The following GREB1L variants were observed in gnomAD, a reference collection of about 807,000 sequenced individuals.
The protein encoded by GREB1L is GREB1 like retinoic acid receptor coactivator.
GREB1L carries 17 observed loss-of-function variants against 200.8 expected under a neutral mutation model. That is an observed-to-expected ratio of 0.08 (90% CI 0.06 to 0.13). GREB1L has a LOEUF of 0.13. Ranked by LOEUF, GREB1L falls within the 10% of genes least tolerant of loss-of-function variation. GREB1L has a pLI of 1.00. For synonymous variants in GREB1L, 789 were observed against 893.0 expected (o/e 0.88, Z 2.08); for missense variants, 1,657 against 2,367.7 (o/e 0.70, Z 6.23).
At chr18:21,282,189 A>C in intron 1 of GREB1L, among the ~76,000 whole-genome samples, 1 of 152,156 alleles carries the variant, frequency 6.6e-6, no homozygotes, top group South Asian at 2.1e-4. Flanking sequence ...CAGGAGGATC[A>C]CTTAAGCCCA....
At chr18:21,372,613 G>A (rs543530942) in intron 2 of GREB1L, among the ~76,000 whole-genome samples, 55 of 152,184 alleles carry the variant, frequency 3.6e-4, no homozygotes, top group African/African-American at 1.3e-3. Flanking sequence ...ACACAAATTT[G>A]TAAACTTTCT....
chr18:21,390,277 G>A (rs1463317370), intron 4 of GREB1L, among the ~76,000 whole-genome samples: 1 of 145,392 alleles, frequency 6.9e-6, no homozygotes, highest in Non-Finnish European at 1.5e-5. Context: ...ATTTCAGAGT[G>A]CACTCCTTCT....
intron 1 of GREB1L, among the ~76,000 whole-genome samples, chr18:21,325,753 C>T (rs1244321730): frequency 7.3e-6 from 1 of 136,280 alleles, no homozygotes; most frequent in African/African-American, 2.7e-5. Context: ...GTTGAGGCTG[C>T]AGTGAGCCGT....
intron 7 of GREB1L, 60 bp downstream of exon 7, chr18:21,404,054 A>T (rs1396637770): frequency 1.4e-5 from 19 of 1,403,662 alleles, no homozygotes; most frequent in Non-Finnish European, 1.9e-5. Flanking sequence ...GAGACTTTTT[A>T]AAATATATAC....
chr18:21,352,964 G>T (rs2039454507), intron 1 of GREB1L, among the ~76,000 whole-genome samples: 1 of 152,004 alleles, frequency 6.6e-6, no homozygotes, highest in African/African-American at 2.4e-5. Flanking sequence ...GGCGGATCAT[G>T]AGGTCAGGAG....
intron 18 of GREB1L, among the ~76,000 whole-genome samples, chr18:21,488,696 G>T (rs759987891): frequency 7.2e-5 from 11 of 151,970 alleles, no homozygotes; most frequent in Non-Finnish European, 1.5e-4. Context: ...TCACTCCGTC[G>T]CCCAGGCTGG....
At chr18:21,489,373 T>C (rs2036244796) in intron 18 of GREB1L, among the ~76,000 whole-genome samples, 1 of 152,218 alleles carries the variant, frequency 6.6e-6, no homozygotes, top group African/African-American at 2.4e-5. Flanking sequence ...GAACAGTTTA[T>C]GGAAAGATAG....
chr18:21,386,932 A>G (rs1273623818), intron 4 of GREB1L, among the ~76,000 whole-genome samples: 2 of 152,346 alleles, frequency 1.3e-5, no homozygotes, highest in African/African-American at 4.8e-5. Flanking sequence ...CTGAACCTAA[A>G]TAAGCATACC....
Position 21,525,424 on chromosome 18 carries a change from G to GTTAT in GREB1L, c.*2606_*2609dup, listed in dbSNP as rs960972752. ...AGTTATCTCCCACCCCCTCCAAAAA[G>GTTAT]TTATTTTTTCTTTATAGTTTTCTGG... On this transcript the variant is annotated 3_prime_UTR_variant, in exon 33 of 33. Transcript: ENST00000424526. 1.9e-4 allele frequency: 29 copies of GTTAT among 151,804 alleles called. No homozygotes were observed. Among genetic ancestry groups the GTTAT allele is most frequent in the Non-Finnish European group, 3.5e-4 (24 of 67,952 alleles). 9.4% of individuals were successfully genotyped at this position (151,804 alleles called of 1,614,324 possible). A position where few individuals can be genotyped will look rare whatever the true frequency, so the allele number is the denominator to read the frequency against.
chr18:21,431,107 C>T (rs1282209954), intron 7 of GREB1L, among the ~76,000 whole-genome samples: 1 of 151,650 alleles, frequency 6.6e-6, no homozygotes, highest in Non-Finnish European at 1.5e-5. Flanking sequence ...CTGCAACCTC[C>T]ACCTCCTGGG....
intron 1 of GREB1L, among the ~76,000 whole-genome samples, chr18:21,334,346 T>G (rs1234079563): frequency 6.6e-6 from 1 of 152,156 alleles, no homozygotes; most frequent in Non-Finnish European, 1.5e-5. Flanking sequence ...TAAACTTTAT[T>G]ATCAGTTCCA....
chr18:21,330,505 G>A (rs1018719249), intron 1 of GREB1L, among the ~76,000 whole-genome samples: 3 of 152,170 alleles, frequency 2.0e-5, no homozygotes, highest in Non-Finnish European at 4.4e-5. Flanking sequence ...TGATTGCTTT[G>A]AATGTAGAGC....
intron 1 of GREB1L, among the ~76,000 whole-genome samples, chr18:21,277,964 T>C (rs1598624235): frequency 6.6e-6 from 1 of 152,280 alleles, no homozygotes; most frequent in South Asian, 2.1e-4. Flanking sequence ...TTCTCCTTAC[T>C]CTAGGGCCTG....
intron 18 of GREB1L, among the ~76,000 whole-genome samples, chr18:21,489,215 G>C (rs1220793756): frequency 9.2e-5 from 14 of 152,150 alleles, no homozygotes; most frequent in Admixed American, 9.2e-4. Flanking sequence ...GGCAGTCCAG[G>C]CTTAGGGGAA....
chr18:21,393,814 G>A (rs1311991244), intron 4 of GREB1L, among the ~76,000 whole-genome samples: 1 of 152,020 alleles, frequency 6.6e-6, no homozygotes, highest in South Asian at 2.1e-4. Flanking sequence ...CACCCACCTC[G>A]GCCTCCGAAA....
At chr18:21,464,998 G>A (rs2035211232) in intron 15 of GREB1L, among the ~76,000 whole-genome samples, 1 of 152,090 alleles carries the variant, frequency 6.6e-6, no homozygotes, top group Non-Finnish European at 1.5e-5. Context: ...GACAAAGATT[G>A]TATATATTTT....
intron 7 of GREB1L, among the ~76,000 whole-genome samples, chr18:21,432,728 A>G (rs1299198757): frequency 1.9e-5 from 2 of 105,020 alleles, no homozygotes; most frequent in Admixed American, 1.3e-4. Context: ...TTTTTTTGAG[A>G]CAGTGTCTCG....
At chr18:21,372,495 A>C (rs1461279744) in intron 2 of GREB1L, among the ~76,000 whole-genome samples, 2 of 151,552 alleles carry the variant, frequency 1.3e-5, no homozygotes, top group South Asian at 2.1e-4. Flanking sequence ...TTTTTTTTGC[A>C]ATTTTTTTTG....
At chr18:21,472,755 T>G (rs2035533054) in intron 15 of GREB1L, among the ~76,000 whole-genome samples, 1 of 152,172 alleles carries the variant, frequency 6.6e-6, no homozygotes, top group Non-Finnish European at 1.5e-5. Context: ...GAAGCAAAGG[T>G]CTCATACACT....
Sources: allele counts gnomAD v4.1 joint callset (sites outside exome capture counted in the v4.1 genomes callset), GRCh38; gene constraint gnomAD v4.1.1; transcripts MANE v1.5; gene names NCBI Gene and HGNC (gene_info 2026-07-23, HGNC 2026-07-21).